KHDRBS3: variants seen among roughly 807,000 people sequenced by gnomAD.
KHDRBS3 encodes KH RNA binding domain containing, signal transduction associated 3.
A neutral mutation model predicts 45.6 loss-of-function variants in KHDRBS3; 23 were observed. The ratio of observed to expected loss-of-function variants is 0.50; its 90% CI spans 0.36 to 0.72. The LOEUF (loss-of-function observed/expected upper bound fraction) is 0.72. KHDRBS3 is among the 30% of genes least tolerant of loss of function. The pLI is 0.00. For synonymous variants in KHDRBS3, 162 were observed against 156.5 expected, an observed-to-expected ratio of 1.04 and a Z score of -0.26; for missense variants, 352 against 424.8, an observed-to-expected ratio of 0.83 and a Z score of 1.51.
At chr8:135,626,665 G>A (rs4998065) in intron 7 of KHDRBS3, among the ~76,000 whole-genome samples, 59,750 of 151,786 alleles carry the variant, frequency 0.39, 12,824 homozygotes, top group South Asian at 0.53. Flanking sequence ...TTAGCCGGGC[G>A]TGTTGGCGGG....
chr8:135,485,842 TTATATATATATA>T (rs34886021), intron 1 of KHDRBS3, among the ~76,000 whole-genome samples: 7 of 120,324 alleles, frequency 5.8e-5, no homozygotes, highest in African/African-American at 1.9e-4. Flanking sequence ...CATTTCAAGT[TTATATATATATA>T]TATATATATA....
chr8:135,597,703 G>A (rs1407928320), intron 6 of KHDRBS3, among the ~76,000 whole-genome samples: 1 of 151,994 alleles, frequency 6.6e-6, no homozygotes, highest in Non-Finnish European at 1.5e-5. Flanking sequence ...ACACCTAGTT[G>A]GCATTCAACA....
At chr8:135,646,952 C>T (rs28621864) in intron 8 of KHDRBS3, 41 bp from the exon 9 acceptor site, 491,431 of 1,072,896 alleles carry the variant, frequency 0.46, 114,995 homozygotes, top group South Asian at 0.53. Context: ...CTGTGGGATT[C>T]ATGGCAGTGA....
intron 6 of KHDRBS3, among the ~76,000 whole-genome samples, chr8:135,603,072 A>C (rs540787532): frequency 1.3e-5 from 2 of 152,338 alleles, no homozygotes; most frequent in South Asian, 4.1e-4. Context: ...TCTAGCATTG[A>C]TACACCTGGG....
Position 135,505,143 on chromosome 8 carries a change from A to G in KHDRBS3, c.89-16094A>G, listed in dbSNP as rs184409301. On this transcript the variant is annotated intron_variant, in intron 1 of 8. Transcript: ENST00000355849. ...AAAAGTTTAGCTATTTGGTTTTCCA[A>G]AAAGCAATATTGAAGTAGAGGGAAC... Among the ~76,000 whole-genome samples the G allele has an allele frequency of 2.1e-4, 32 of 152,350 alleles. No homozygotes were observed. The East Asian group carries it at 5.4e-3, about 26-fold the overall frequency.
intron 1 of KHDRBS3, among the ~76,000 whole-genome samples, chr8:135,491,723 A>T (rs1451990706): frequency 2.0e-5 from 3 of 152,144 alleles, no homozygotes; most frequent in Non-Finnish European, 1.5e-5. Flanking sequence ...AGACTCTCAC[A>T]GGGGGTCTTC....
At chr8:135,499,204 A>G (rs1823608923) in intron 1 of KHDRBS3, among the ~76,000 whole-genome samples, 1 of 152,192 alleles carries the variant, frequency 6.6e-6, no homozygotes, top group Non-Finnish European at 1.5e-5. Context: ...CGGGAAATAT[A>G]ATGACAATAC....
rs112354793 is a variant in KHDRBS3 at position 135,573,285 on chromosome 8, A to G, written c.612-8593A>G. 6.1e-3 allele frequency among the ~76,000 whole-genome samples: 928 copies of G among 152,374 alleles called. 8 individuals carry two copies. Among genetic ancestry groups the G allele is most frequent in the African/African-American group, 0.02 (851 of 41,582 alleles). ...CGTGGCTGCTTCTCATAAAATTTAT[A>G]GACAAAAGCCAAAAAATTTAGTATG... On this transcript the variant is annotated intron_variant, in intron 5 of 8. Transcript: ENST00000355849.
rs188987497 is a variant in KHDRBS3 at position 135,465,698 on chromosome 8, A to G, written c.88+7744A>G. Among the ~76,000 whole-genome samples, 8 of 152,330 alleles carry G rather than the reference A, an allele frequency of 5.3e-5. No homozygotes were observed. The East Asian group carries it at 1.5e-3, about 29-fold the overall frequency. On this transcript the variant is annotated intron_variant, in intron 1 of 8. Transcript: ENST00000355849. ...AGCAGCCTCTTTCCACAAGCACAAGATACCTTACTCTGAATTGGTAAGCTG... is the reference window on the plus strand; with the variant it reads ...AGCAGCCTCTTTCCACAAGCACAAGGTACCTTACTCTGAATTGGTAAGCTG...
chr8:135,607,818 C>T (rs186773243), intron 7 of KHDRBS3, among the ~76,000 whole-genome samples: 12 of 152,246 alleles, frequency 7.9e-5, no homozygotes, highest in Non-Finnish European at 1.5e-5. Context: ...CACTTTTGAA[C>T]TCGTCCAGTG....
At chr8:135,560,351 T>TTA (rs938936150) in intron 5 of KHDRBS3, among the ~76,000 whole-genome samples, 1 of 152,008 alleles carries the variant, frequency 6.6e-6, no homozygotes, top group African/African-American at 2.4e-5. Flanking sequence ...ATACTTATCT[T>TTA]TATATATATG....
intron 1 of KHDRBS3, among the ~76,000 whole-genome samples, chr8:135,515,812 T>G (rs1824566299): frequency 6.6e-6 from 1 of 152,208 alleles, no homozygotes. Flanking sequence ...GGTTAAGAGA[T>G]TTAAAGCAGT....
intron 1 of KHDRBS3, among the ~76,000 whole-genome samples, chr8:135,475,679 T>C (rs1430056564): frequency 2.0e-5 from 3 of 152,126 alleles, no homozygotes; most frequent in Non-Finnish European, 1.5e-5. Context: ...GACTTGTCAT[T>C]GTCACATAAT....
chr8:135,619,565 A>G (rs146376955), intron 7 of KHDRBS3, among the ~76,000 whole-genome samples: 1 of 152,354 alleles, frequency 6.6e-6, no homozygotes, highest in African/African-American at 2.4e-5. Context: ...GGATGACAAT[A>G]ATAGTACTGA....
At chr8:135,541,060 A>G (rs1427134509) in intron 2 of KHDRBS3, 1 of 152,218 alleles carries the variant, frequency 6.6e-6, no homozygotes, top group Non-Finnish European at 1.5e-5. Context: ...AACACCATAA[A>G]GAAGAAACAG....
intron 7 of KHDRBS3, among the ~76,000 whole-genome samples, chr8:135,631,985 A>G (rs1830623667): frequency 6.6e-6 from 1 of 152,208 alleles, no homozygotes; most frequent in African/African-American, 2.4e-5. Context: ...GCTCCATTAT[A>G]AGTTGAAGGG....
intron 1 of KHDRBS3, among the ~76,000 whole-genome samples, chr8:135,516,105 T>C (rs1824585749): frequency 1.3e-5 from 2 of 152,224 alleles, no homozygotes; most frequent in Admixed American, 6.5e-5. Flanking sequence ...CCAGAGTACA[T>C]GTTACCATAC....
chr8:135,531,820 C>T (rs1478841679), intron 2 of KHDRBS3, among the ~76,000 whole-genome samples: 1 of 152,072 alleles, frequency 6.6e-6, no homozygotes. Context: ...TCATAACATT[C>T]GTGTAAATCA....
chr8:135,552,487 C>G (rs527771981), intron 4 of KHDRBS3, among the ~76,000 whole-genome samples: 1 of 152,254 alleles, frequency 6.6e-6, no homozygotes, highest in South Asian at 2.1e-4. Flanking sequence ...CCAAGACAGC[C>G]TCTTTGTACT....
Sources: allele counts gnomAD v4.1 joint callset (sites outside exome capture counted in the v4.1 genomes callset), GRCh38; gene constraint gnomAD v4.1.1; transcripts MANE v1.5; gene names NCBI Gene and HGNC (gene_info 2026-07-23, HGNC 2026-07-21).